The following SUMF1 variants were observed in gnomAD, a reference collection of about 807,000 sequenced individuals.
The protein encoded by SUMF1 is sulfatase modifying factor 1.
Under a neutral mutation model 47.6 loss-of-function variants are expected in SUMF1, and 48 were observed. The ratio of observed to expected loss-of-function variants is 1.01; its 90% confidence interval spans 0.80 to 1.28. The LOEUF is 1.28. SUMF1 is among the 50% of genes most tolerant of loss of function. SUMF1 has a pLI of 0.00. For missense variants in SUMF1, 571 were observed against 485.4 expected (o/e 1.18, Z -1.66); for synonymous variants, 230 against 192.1 (o/e 1.20, Z -1.63).
chr3:4,287,142 T>A (rs1038220143), intron 8 of SUMF1, among the ~76,000 whole-genome samples: 1 of 152,202 alleles, frequency 6.6e-6, no homozygotes, highest in Non-Finnish European at 1.5e-5. Flanking sequence ...AGTTCTTGTA[T>A]GTTTTCAGTT....
intron 3 of SUMF1, among the ~76,000 whole-genome samples, chr3:4,435,479 A>ATT (rs1702368255): frequency 6.6e-6 from 1 of 152,204 alleles, no homozygotes; most frequent in Non-Finnish European, 1.5e-5. Context: ...GGTGTTTAAA[A>ATT]AAAGTGAAAT....
At chr3:4,244,673 C>T (rs1349029775) in intron 8 of SUMF1, among the ~76,000 whole-genome samples, 2 of 152,226 alleles carry the variant, frequency 1.3e-5, no homozygotes, top group Non-Finnish European at 2.9e-5. Flanking sequence ...ACCTTTCTCT[C>T]TGGCTGCCCT....
intron 8 of SUMF1, among the ~76,000 whole-genome samples, chr3:4,245,016 C>T (rs13063552): frequency 0.4 from 61,010 of 151,218 alleles, 12,746 homozygotes; most frequent in Non-Finnish European, 0.46. Context: ...TCCTTTCTTC[C>T]GCTTGATGGT....
chr3:4,136,709 T>C (rs1204059539), intron 8 of SUMF1, among the ~76,000 whole-genome samples: 2 of 148,552 alleles, frequency 1.3e-5, no homozygotes, highest in Admixed American at 6.7e-5. Flanking sequence ...AGAAAATTTT[T>C]GCAATCTACT....
At chr3:4,267,055 T>A (rs1276386670) in intron 8 of SUMF1, among the ~76,000 whole-genome samples, 3 of 152,336 alleles carry the variant, frequency 2.0e-5, no homozygotes, top group African/African-American at 7.2e-5. Flanking sequence ...TGAACCAGCC[T>A]TGCATCCCAG....
chr3:4,416,533 C>T (rs1291587305), intron 6 of SUMF1, among the ~76,000 whole-genome samples: 2 of 152,208 alleles, frequency 1.3e-5, no homozygotes, highest in Non-Finnish European at 2.9e-5. Context: ...CATATGCTGG[C>T]AAATACGGTA....
chr3:4,208,479 A>T (rs1338848351), intron 8 of SUMF1, among the ~76,000 whole-genome samples: 2 of 151,798 alleles, frequency 1.3e-5, no homozygotes, highest in Non-Finnish European at 2.9e-5. Flanking sequence ...CAAAAAAAAA[A>T]AAAAACTGTG....
At chr3:4,337,165 T>C (rs914336462) in intron 8 of SUMF1, among the ~76,000 whole-genome samples, 2 of 152,150 alleles carry the variant, frequency 1.3e-5, no homozygotes, top group Non-Finnish European at 2.9e-5. Context: ...ATATGTTCTA[T>C]TTCTCTGTCT....
intron 9 of SUMF1, among the ~76,000 whole-genome samples, chr3:4,043,604 T>C (rs1694949447): frequency 6.6e-6 from 1 of 152,056 alleles, no homozygotes; most frequent in Non-Finnish European, 1.5e-5. Flanking sequence ...TCTATTAATT[T>C]AAAAGCTGAT....
At chr3:4,311,027 T>C (rs1215469640) in intron 8 of SUMF1, among the ~76,000 whole-genome samples, 1 of 152,212 alleles carries the variant, frequency 6.6e-6, no homozygotes, top group Non-Finnish European at 1.5e-5. Context: ...ACCTATCCTT[T>C]ATCCATTTAG....
intron 3 of SUMF1, among the ~76,000 whole-genome samples, chr3:4,447,979 G>A (rs1451674838): frequency 1.3e-5 from 2 of 151,944 alleles, no homozygotes; most frequent in Admixed American, 6.6e-5. Flanking sequence ...CTTAAAATAA[G>A]GCACATGTCC....
intron 8 of SUMF1, among the ~76,000 whole-genome samples, chr3:4,289,687 C>A (rs1697702867): frequency 6.6e-6 from 1 of 152,104 alleles, no homozygotes; most frequent in Admixed American, 6.5e-5. Flanking sequence ...TTAATTTAAA[C>A]CCATTTTCTT....
intron 8 of SUMF1, among the ~76,000 whole-genome samples, chr3:4,275,417 T>C (rs906649579): frequency 6.6e-6 from 1 of 152,104 alleles, no homozygotes; most frequent in African/African-American, 2.4e-5. Context: ...AGATATAACA[T>C]TCAACAGGGC....
rs545486863 is a variant in SUMF1 at position 4,263,861 on chromosome 3, C to G, written c.1014+112469G>C. Among the ~76,000 whole-genome samples, 10 of 152,242 alleles carry G rather than the reference C, an allele frequency of 6.6e-5. 1 individual carries two copies. The South Asian group carries it at 1.9e-3, about 28-fold the overall frequency. ...TACATATTTATAATCTCTTTCCTAC[C>G]CTGACGATTGCAATTGAGTTGCTTA... On this transcript the variant is annotated intron_variant and NMD_transcript_variant, in intron 8 of 12. Transcript: ENST00000448413.
At chr3:4,170,766 T>C (rs1172317612) in intron 8 of SUMF1, among the ~76,000 whole-genome samples, 1 of 152,136 alleles carries the variant, frequency 6.6e-6, no homozygotes, top group African/African-American at 2.4e-5. Context: ...GATGGAACAG[T>C]TGGATATCCA....
intron 7 of SUMF1, among the ~76,000 whole-genome samples, chr3:4,405,798 A>C (rs2124991720): frequency 6.6e-6 from 1 of 152,346 alleles, no homozygotes; most frequent in East Asian, 1.9e-4. Context: ...CATTAACAGA[A>C]GCAAAACAAA....
intron 8 of SUMF1, among the ~76,000 whole-genome samples, chr3:4,148,828 C>T (rs756752319): frequency 6.6e-6 from 1 of 152,078 alleles, no homozygotes. Context: ...CAGAAATCAC[C>T]AAATCTCACA....
chr3:4,284,712 C>A (rs1230128990), intron 8 of SUMF1, among the ~76,000 whole-genome samples: 2 of 150,124 alleles, frequency 1.3e-5, no homozygotes. Flanking sequence ...TCAGGAAAGG[C>A]AAAAAAACTC....
At chr3:4,417,370 T>C (rs917569808) in intron 5 of SUMF1, 128 bp from the exon 6 acceptor site, 13 of 627,484 alleles carry the variant, frequency 2.1e-5, no homozygotes, top group Non-Finnish European at 3.6e-5. Context: ...AAAATATATA[T>C]ATAAATAAAT....
Sources: allele counts gnomAD v4.1 joint callset (sites outside exome capture counted in the v4.1 genomes callset), GRCh38; gene constraint gnomAD v4.1.1; transcripts MANE v1.5; gene names NCBI Gene and HGNC (gene_info 2026-07-23, HGNC 2026-07-21).